ZZEF1: variants seen among roughly 807,000 people sequenced by gnomAD.
ZZEF1 encodes the protein zinc finger ZZ-type and EF-hand domain-containing protein 1.
A neutral mutation model predicts 342.8 loss-of-function variants in ZZEF1; 157 were observed. That is an observed-to-expected ratio of 0.46 (90% CI 0.40 to 0.52). ZZEF1 has a LOEUF of 0.52. Among genes scored for constraint, ZZEF1 ranks in the 20% least tolerant of loss-of-function variants. The pLI is 0.00. For synonymous variants in ZZEF1, 1,505 were observed against 1,429.1 expected (o/e 1.05, Z -1.20); for missense variants, 3,480 against 3,725.6 (o/e 0.93, Z 1.72).
At chr17:4,051,662 C>T (rs749115223) in intron 35 of ZZEF1, among the ~76,000 whole-genome samples, 8 of 151,146 alleles carry the variant, frequency 5.3e-5, no homozygotes, top group Non-Finnish European at 1.2e-4. Flanking sequence ...CACAGGAGTT[C>T]GCCTCGGCCT....
Position 4,119,882 on chromosome 17 carries a change from A to G in ZZEF1, c.500-2716T>C, listed in dbSNP as rs1469754285. On this transcript the variant is annotated intron_variant, in intron 2 of 54. Coordinates refer to ENST00000381638, the MANE Select transcript of ZZEF1 (RefSeq NM_015113.4). ...CACTAAACTCCTTGATTCTCAAGAGAGGTGAATCGGGAATATCAAGTGCAT... is the reference window on the plus strand; with the variant it reads ...CACTAAACTCCTTGATTCTCAAGAGGGGTGAATCGGGAATATCAAGTGCAT... Among the ~76,000 whole-genome samples the G allele has an allele frequency of 2.6e-5, 4 of 152,304 alleles. No homozygotes were observed. In the East Asian group the frequency reaches 7.7e-4, roughly 29 times the overall value.
In ZZEF1 at chr17:4,066,555, G is replaced by A. The variant is rs569661772; in HGVS notation, c.4156-15C>T. 2.5e-6 allele frequency: 4 copies of A among 1,612,834 alleles called. No individual in the cohort carries two copies. In the East Asian group the frequency reaches 6.7e-5, roughly 27 times the overall value. Reference sequence around the variant, plus strand: ...TTCATCTCTAACTAGGGGAGAATTTGAGCCACATCATTATGCTGTCCAGGC... The same window carrying A: ...TTCATCTCTAACTAGGGGAGAATTTAAGCCACATCATTATGCTGTCCAGGC... On this transcript the variant is annotated splice_polypyrimidine_tract_variant and intron_variant, in intron 27 of 54. Coordinates refer to ENST00000381638, the MANE Select transcript of ZZEF1 (RefSeq NM_015113.4).
chr17:4,023,014 GC>G lies in ZZEF1; in HGVS notation c.7093-187del, dbSNP rs2056309364. ...CCAAAAGCTGTCTGGGGCTCTTTAG[GC>G]TAAAATCCAAGCCTCTGATCATGGC... On this transcript the variant is annotated intron_variant, in intron 43 of 54. Coordinates refer to ENST00000381638, the MANE Select transcript of ZZEF1 (RefSeq NM_015113.4). 2.0e-5 allele frequency among the ~76,000 whole-genome samples: 3 copies of G among 152,152 alleles called. No homozygotes were observed. In the South Asian group the frequency reaches 6.2e-4, roughly 32 times the overall value.
chr17:4,054,046 A>T lies in ZZEF1; in HGVS notation c.5434+11T>A, dbSNP rs751250474. ...CCTTTGGATACGGCGTACCCAGTTC[A>T]TGAAATTTACCTAGGAAGCAAGTTT... is the stretch of plus-strand genomic sequence containing the variant. On this transcript the variant is annotated intron_variant, in intron 34 of 54. Transcript: ENST00000381638. 1.9e-6 allele frequency: 3 copies of T among 1,608,484 alleles called. No individual in the cohort carries two copies. Among genetic ancestry groups the T allele is most frequent in the Non-Finnish European group, 2.5e-6 (3 of 1,176,902 alleles).
chr17:4,086,785 A>G, intron 14 of ZZEF1, 130 bp from the exon 15 acceptor site: 2 of 816,186 alleles, frequency 2.5e-6, no homozygotes, highest in Admixed American at 5.3e-5. Context: ...ACTGATGCAA[A>G]CTGAGAGGAA....
intron 2 of ZZEF1, among the ~76,000 whole-genome samples, chr17:4,121,771 G>A (rs1293392270): frequency 3.3e-5 from 5 of 151,390 alleles, no homozygotes; most frequent in Non-Finnish European, 2.9e-5. Flanking sequence ...TCACAGGGAT[G>A]GAGTACAGTG....
intron 46 of ZZEF1, among the ~76,000 whole-genome samples, chr17:4,018,252 T>TA (rs916394731): frequency 6.6e-6 from 1 of 152,096 alleles, no homozygotes; most frequent in African/African-American, 2.4e-5. Flanking sequence ...TTATTTTCAT[T>TA]AAAAAAACAT....
chr17:4,090,571 C>A (rs574523116), intron 12 of ZZEF1, 148 bp downstream of exon 12: 1 of 648,238 alleles, frequency 1.5e-6, no homozygotes, highest in African/African-American at 1.8e-5. Flanking sequence ...CACTGTCTTA[C>A]ACATCTGTCT....
intron 43 of ZZEF1, 148 bp from the exon 44 acceptor site, chr17:4,022,976 C>T (rs375116240): frequency 5.3e-5 from 60 of 1,122,656 alleles, no homozygotes; most frequent in South Asian, 4.4e-4. Flanking sequence ...GTCACACTCC[C>T]CTGCTCTAAC....
At chr17:4,129,012 CCA>C (rs528658203) in intron 1 of ZZEF1, among the ~76,000 whole-genome samples, 347 of 152,060 alleles carry the variant, frequency 2.3e-3, no homozygotes, top group Non-Finnish European at 3.3e-3. Flanking sequence ...TGTGATCTGC[CCA>C]CCTCGGCCTC....
In ZZEF1 at chr17:4,052,011, G is replaced by T; in HGVS notation, c.5560C>A (p.Leu1854Ile). ...MNCNVCDDFD[L>I]CYGCYAAKKY... ...TTCGCTGCATAGCATCCGTAGCAAA[G>T]ATCAAAGTCATCGCAAACATTGCAG... is the stretch of plus-strand genomic sequence containing the variant. Residue 1854 changes from leucine to isoleucine, a missense_variant, in exon 35 of 55, where the codon CTT (leucine) becomes ATT (isoleucine). Leu to Ile is a conservative substitution (Grantham distance 5). Coordinates refer to ENST00000381638, the MANE Select transcript of ZZEF1 (RefSeq NM_015113.4). The T allele has an allele frequency of 6.2e-7, 1 of 1,614,178 alleles. No individual in the cohort carries two copies. The highest frequency in any genetic ancestry group is 8.5e-7 in the Non-Finnish European group (1 of 1,180,016).
chr17:4,010,949 C>T (rs760427356), intron 52 of ZZEF1, among the ~76,000 whole-genome samples: 7 of 151,882 alleles, frequency 4.6e-5, no homozygotes, highest in Non-Finnish European at 8.8e-5. Context: ...TTAAGACAAG[C>T]GTGGTGGCTC....
chr17:4,140,875 G>GA (rs398119642), intron 1 of ZZEF1, among the ~76,000 whole-genome samples: 5 of 145,762 alleles, frequency 3.4e-5, no homozygotes, highest in Admixed American at 6.9e-5. Flanking sequence ...TTCCTGGGGG[G>GA]AAAAAAAAAG....
At chr17:4,033,346 TTTATTA>T (rs148123729) in intron 40 of ZZEF1, 12,956 of 189,148 alleles carry the variant, frequency 0.068, 578 homozygotes, top group Admixed American at 0.12. Context: ...TTTTCCTTCT[TTTATTA>T]TTATTATTTT....
chr17:4,056,163 C>T, intron 33 of ZZEF1, 53 bp downstream of exon 33: 2 of 1,449,052 alleles, frequency 1.4e-6, no homozygotes, highest in South Asian at 3.2e-5. Context: ...GCAAACTCTC[C>T]TCTCCAAACT....
In ZZEF1 at chr17:4,057,095, C is replaced by A. The variant is rs571330863; in HGVS notation, c.5166-750G>T. 3.9e-5 allele frequency among the ~76,000 whole-genome samples: 6 copies of A among 152,348 alleles called. No homozygotes were observed. The South Asian group carries it at 1.2e-3, about 32-fold the overall frequency. ...AACGAAATGGTTTTGGGCCTACACT[C>A]ATACTCAAGCTTTGCGCTCGGTGCC... On this transcript the variant is annotated intron_variant, in intron 32 of 54. Coordinates refer to ENST00000381638, the MANE Select transcript of ZZEF1 (RefSeq NM_015113.4).
rs143383901 is a variant in ZZEF1, at chr17:4,102,708, T to G, written c.1574-293A>C. On this transcript the variant is annotated intron_variant, in intron 8 of 54. Coordinates refer to ENST00000381638, the MANE Select transcript of ZZEF1 (RefSeq NM_015113.4). Reference sequence around the variant, plus strand: ...ATAAGACATAGGTTGATAACATAGATTGAACACATTTGGGGGGGTGATTCC... The same window carrying G: ...ATAAGACATAGGTTGATAACATAGAGTGAACACATTTGGGGGGGTGATTCC... Among the ~76,000 whole-genome samples the G allele has an allele frequency of 8.5e-3, 1,290 of 152,276 alleles. 10 individuals are homozygous for G. Among genetic ancestry groups the G allele is most frequent in the Middle Eastern group, 0.02 (6 of 294 alleles).
In ZZEF1 at chr17:4,018,059, G is replaced by C. The variant is rs188106450; in HGVS notation, c.7506-88C>G. The C allele has an allele frequency of 1.5e-5, 23 of 1,538,648 alleles. No individual in the cohort carries two copies. In the East Asian group the frequency reaches 4.3e-4, roughly 29 times the overall value. ...TTAAACTTGTTGGCAATGTTCTTCA[G>C]AGTTGTTCTTCTGTTAGTATCAATG... is the stretch of plus-strand genomic sequence containing the variant. On this transcript the variant is annotated intron_variant, in intron 46 of 54. Coordinates refer to ENST00000381638, the MANE Select transcript of ZZEF1 (RefSeq NM_015113.4).
In ZZEF1 at chr17:4,017,279, G is replaced by T; in HGVS notation, c.8001+92C>A. ...GTCAGGGAGCTGCACAGCCACACAG[G>T]TAGCCTCGCTCCAGGAAGCACTCAC... On this transcript the variant is annotated intron_variant, in intron 48 of 54. Transcript: ENST00000381638. The surrounding 1 kb of genome is among the most constrained non-coding windows in gnomAD (Gnocchi z 5.1). 1 of 1,507,488 alleles carries T rather than the reference G, an allele frequency of 6.6e-7. No homozygotes were observed. The highest frequency in any genetic ancestry group is 8.9e-7 in the Non-Finnish European group (1 of 1,127,114). 93.4% of individuals were successfully genotyped at this position (1,507,488 alleles called of 1,614,324 possible).
Sources: gnomAD v4.1 joint callset for allele counts (sites outside exome capture counted in the v4.1 genomes callset) on GRCh38, gnomAD v4.1.1 for gene constraint, Gnocchi (gnomAD v3.1) non-coding constraint, MANE v1.5 for transcripts, NCBI Gene and HGNC (gene_info 2026-07-23, HGNC 2026-07-21) for gene names.